The following TMTC1 variants were observed in gnomAD, a reference collection of about 807,000 sequenced individuals.
The protein encoded by TMTC1 is transmembrane O-mannosyltransferase targeting cadherins 1, also known as protein O-mannosyl-transferase TMTC1.
In TMTC1, 73 loss-of-function variants were observed where a neutral mutation model predicts 104.8. The observed-to-expected ratio is 0.70, with a 90% CI of 0.58 to 0.85. The LOEUF (loss-of-function observed/expected upper bound fraction) is 0.85, where lower values mean the gene tolerates loss of function less well. Ranked by LOEUF, TMTC1 falls within the 40% of genes least tolerant of loss-of-function variation. TMTC1 has a pLI of 0.00. For missense variants in TMTC1, 1,035 were observed against 1,096.1 expected (o/e 0.94, Z 0.79); for synonymous variants, 434 against 428.7 (o/e 1.01, Z -0.15).
chr12:29,673,187 T>A (rs1016085610), intron 5 of TMTC1, among the ~76,000 whole-genome samples: 15 of 152,214 alleles, frequency 9.9e-5, no homozygotes, highest in Admixed American at 9.2e-4. Context: ...AAAGTGAAAA[T>A]GTGAGGTTTC....
At chr12:29,514,355 A>C (rs1176487352) in intron 16 of TMTC1, 127 bp downstream of exon 16, 15 of 942,164 alleles carry the variant, frequency 1.6e-5, no homozygotes, top group Non-Finnish European at 2.2e-5. Context: ...GTTAAAAAAA[A>C]CTCACTCACT....
intron 5 of TMTC1, among the ~76,000 whole-genome samples, chr12:29,737,914 A>G (rs1942723844): frequency 6.6e-6 from 1 of 152,184 alleles, no homozygotes; most frequent in Non-Finnish European, 1.5e-5. Context: ...TTCCAATGGG[A>G]AAGAGATCAT....
chr12:29,566,082 C>A (rs1945505522), intron 9 of TMTC1, among the ~76,000 whole-genome samples: 1 of 152,034 alleles, frequency 6.6e-6, no homozygotes, highest in African/African-American at 2.4e-5. Context: ...AGAGGGGGAA[C>A]AGGGGATGCT....
At chr12:29,563,670 T>A (rs1029503096) in intron 9 of TMTC1, among the ~76,000 whole-genome samples, 1 of 152,192 alleles carries the variant, frequency 6.6e-6, no homozygotes, top group Non-Finnish European at 1.5e-5. Flanking sequence ...CTTATGGAGT[T>A]GTCCTCTGAC....
rs148062416 is a variant in TMTC1, at chr12:29,564,784, C to T, written c.1532+7321G>A. 5.5e-3 allele frequency among the ~76,000 whole-genome samples: 842 copies of T among 152,172 alleles called. 3 individuals are homozygous for T. Among genetic ancestry groups the T allele is most frequent in the African/African-American group, 0.019 (801 of 41,526 alleles). On this transcript the variant is annotated intron_variant, in intron 9 of 17. Transcript: ENST00000539277. Reference sequence around the variant, plus strand: ...GAGGAAAACAAGAGATACAGACAGGCTCGGTTGTTTGTTTGTTTGTTTGAT... The same window carrying T: ...GAGGAAAACAAGAGATACAGACAGGTTCGGTTGTTTGTTTGTTTGTTTGAT...
At chr12:29,583,349 C>A (rs1179441141) in intron 8 of TMTC1, 58 bp downstream of exon 8, 2 of 1,540,466 alleles carry the variant, frequency 1.3e-6, no homozygotes, top group Non-Finnish European at 8.8e-7. Context: ...TGTTTGGAAA[C>A]AATTTGTAAG....
chr12:29,663,204 A>AT (rs1466192492), intron 5 of TMTC1, among the ~76,000 whole-genome samples: 1 of 152,130 alleles, frequency 6.6e-6, no homozygotes, highest in Admixed American at 6.5e-5. Context: ...CTCTGCCTCT[A>AT]TTGTGACTAT....
chr12:29,513,904 CG>C (rs1943909711), intron 16 of TMTC1, among the ~76,000 whole-genome samples: 1 of 151,934 alleles, frequency 6.6e-6, no homozygotes, highest in African/African-American at 2.4e-5. Context: ...CACACACATA[CG>C]GGGGTTAGGG....
chr12:29,557,084 T>A, intron 9 of TMTC1, 84 bp from the exon 10 acceptor site: 1 of 1,453,170 alleles, frequency 6.9e-7, no homozygotes, highest in Non-Finnish European at 9.4e-7. Flanking sequence ...CCCCCAAGTA[T>A]GAACAGCCAA....
chr12:29,571,963 C>G lies in TMTC1; in HGVS notation c.1532+142G>C. ...AACACTGAGCCAAAAGACTCAGAGT[C>G]CAAGAGCTACCCCACCTCCAAGGAT... is the stretch of plus-strand genomic sequence containing the variant. On this transcript the variant is annotated intron_variant, in intron 9 of 17. Coordinates refer to ENST00000539277, the MANE Select transcript of TMTC1 (RefSeq NM_001193451.2). 3 of 624,588 alleles carry G rather than the reference C, an allele frequency of 4.8e-6. 1 individual carries two copies. The South Asian group carries it at 6.6e-5, about 14-fold the overall frequency. 38.7% of individuals were successfully genotyped at this position (624,588 alleles called of 1,614,324 possible).
chr12:29,545,812 T>C (rs1240628559), intron 10 of TMTC1, among the ~76,000 whole-genome samples: 2 of 152,160 alleles, frequency 1.3e-5, no homozygotes, highest in African/African-American at 4.8e-5. Flanking sequence ...AAGTGAGAAA[T>C]TATGTCCCTG....
chr12:29,766,160 A>T (rs565594831), intron 2 of TMTC1, among the ~76,000 whole-genome samples: 1 of 152,340 alleles, frequency 6.6e-6, no homozygotes, highest in South Asian at 2.1e-4. Context: ...AGAGTTGGGA[A>T]AATGACCTTT....
intron 9 of TMTC1, among the ~76,000 whole-genome samples, chr12:29,563,003 C>T (rs1263556021): frequency 3.9e-5 from 6 of 152,148 alleles, no homozygotes; most frequent in Admixed American, 2.0e-4. Flanking sequence ...CAAAATTACA[C>T]CCATTATTTC....
chr12:29,750,832 A>T (rs1405527229), intron 5 of TMTC1, among the ~76,000 whole-genome samples: 1 of 152,164 alleles, frequency 6.6e-6, no homozygotes, highest in Non-Finnish European at 1.5e-5. Context: ...CCACTAACTA[A>T]CCTCTAACTA....
intron 16 of TMTC1, 65 bp downstream of exon 16, chr12:29,514,417 A>T: frequency 6.6e-7 from 1 of 1,519,560 alleles, no homozygotes; most frequent in Non-Finnish European, 8.9e-7. Context: ...TGTTTCCTTA[A>T]AGATCAAAAG....
intron 6 of TMTC1, among the ~76,000 whole-genome samples, chr12:29,623,595 A>T (rs1937795606): frequency 6.6e-6 from 1 of 152,212 alleles, no homozygotes; most frequent in East Asian, 1.9e-4. Context: ...CGGGTGGATC[A>T]CAAGGTCAGG....
At chr12:29,631,068 G>T (rs544362190) in intron 6 of TMTC1, among the ~76,000 whole-genome samples, 3 of 152,186 alleles carry the variant, frequency 2.0e-5, no homozygotes, top group African/African-American at 7.2e-5. Flanking sequence ...CTTCTTCTGT[G>T]CAGGGTCTAC....
At chr12:29,588,224 T>C (rs1023486221) in intron 7 of TMTC1, among the ~76,000 whole-genome samples, 1 of 152,202 alleles carries the variant, frequency 6.6e-6, no homozygotes, top group African/African-American at 2.4e-5. Context: ...GCAAGAGCCT[T>C]GCACTTGTCA....
intron 16 of TMTC1, among the ~76,000 whole-genome samples, chr12:29,513,389 C>T (rs748975719): frequency 3.0e-4 from 45 of 151,896 alleles, no homozygotes; most frequent in African/African-American, 6.5e-4. Flanking sequence ...TGTTCACATT[C>T]GTTATAAATA....
Sources: allele counts gnomAD v4.1 joint callset (sites outside exome capture counted in the v4.1 genomes callset), GRCh38; gene constraint gnomAD v4.1.1; transcripts MANE v1.5; gene names NCBI Gene and HGNC (gene_info 2026-07-23, HGNC 2026-07-21).